The following PXDNL variants were observed in gnomAD, a reference collection of about 807,000 sequenced individuals.
PXDNL encodes the protein peroxidasin like, also known as probable oxidoreductase PXDNL.
Under a neutral mutation model 150.8 loss-of-function variants are expected in PXDNL, and 145 were observed. That is an observed-to-expected ratio of 0.96 (90% CI 0.84 to 1.10). The LOEUF (loss-of-function observed/expected upper bound fraction) is 1.10. Among genes scored for constraint, PXDNL ranks in the 50% least tolerant of loss-of-function variants. PXDNL has a pLI of 0.00. For synonymous variants in PXDNL, 757 were observed against 725.7 expected (o/e 1.04, Z -0.69); for missense variants, 2,087 against 1,873.9 (o/e 1.11, Z -2.10).
chr8:51,363,399 G>A (rs894562337), intron 19 of PXDNL, among the ~76,000 whole-genome samples: 6 of 152,102 alleles, frequency 3.9e-5, no homozygotes, highest in Non-Finnish European at 5.9e-5. Context: ...CAAGACTCAC[G>A]TCTGAAAAAC....
rs542101284 is a variant in PXDNL, at chr8:51,392,204, A to G, written c.3557+15863T>C. ...TCCAGCTTTGTTCTTTTGGCTTAGG[A>G]TTGACTTGGTGATGTGGGCTCTTTT... On this transcript the variant is annotated intron_variant, in intron 17 of 22. Transcript: ENST00000356297. Among the ~76,000 whole-genome samples, 886 of 152,242 alleles carry G rather than the reference A, an allele frequency of 5.8e-3. 23 individuals carry two copies. Among genetic ancestry groups the G allele is most frequent in the Admixed American group, 0.043 (659 of 15,284 alleles).
At chr8:51,465,003 T>C (rs1162196605) in intron 8 of PXDNL, among the ~76,000 whole-genome samples, 1 of 152,146 alleles carries the variant, frequency 6.6e-6, no homozygotes, top group Non-Finnish European at 1.5e-5. Flanking sequence ...CGAATTCTAC[T>C]TTACCTATTC....
intron 1 of PXDNL, among the ~76,000 whole-genome samples, chr8:51,740,494 T>C (rs899926930): frequency 6.6e-6 from 1 of 152,214 alleles, no homozygotes; most frequent in Non-Finnish European, 1.5e-5. Context: ...CTAGCATCTG[T>C]TGCTTCTTGA....
At chr8:51,356,832 C>T (rs2915475) in intron 19 of PXDNL, among the ~76,000 whole-genome samples, 101,109 of 152,058 alleles carry the variant, frequency 0.66, 35,733 homozygotes, top group East Asian at 0.94. Flanking sequence ...TCACCAGCTA[C>T]GCCTCTGTCG....
intron 1 of PXDNL, among the ~76,000 whole-genome samples, chr8:51,787,486 G>A (rs1385772402): frequency 1.3e-5 from 2 of 152,262 alleles, no homozygotes; most frequent in East Asian, 3.9e-4. Flanking sequence ...TGACTTAGAG[G>A]GGTTCAAGAC....
At chr8:51,403,667 T>C (rs1234832021) in intron 17 of PXDNL, among the ~76,000 whole-genome samples, 1 of 152,202 alleles carries the variant, frequency 6.6e-6, no homozygotes, top group East Asian at 1.9e-4. Flanking sequence ...AGCCAGGTCT[T>C]TCACAGACAG....
In PXDNL at chr8:51,335,367, G is replaced by C. The variant is rs79708093; in HGVS notation, c.4146+4257C>G. ...ACTGATATAAGATTTGGAAGGAGAC[G>C]CCGATACTATCCTAAGTGCAGTTGT... On this transcript the variant is annotated intron_variant, in intron 21 of 22. Transcript: ENST00000356297. 3.3e-3 allele frequency among the ~76,000 whole-genome samples: 497 copies of C among 152,166 alleles called. 1 individual carries two copies. The highest frequency in any genetic ancestry group is 6.0e-3 in the Non-Finnish European group (405 of 68,014).
Position 51,612,205 on chromosome 8 carries a change from C to T in PXDNL, c.237-19507G>A, listed in dbSNP as rs182383549. 8.4e-4 allele frequency among the ~76,000 whole-genome samples: 128 copies of T among 152,268 alleles called. 1 individual carries two copies. The highest frequency in any genetic ancestry group is 3.4e-3 in the Middle Eastern group (1 of 294). On this transcript the variant is annotated intron_variant, in intron 2 of 22. Coordinates refer to ENST00000356297, the MANE Select transcript of PXDNL (RefSeq NM_144651.5). ...ACATTGGTGGTTTTGCTCCCGGCCT[C>T]CACTCCTCCTCTCTTTCCCAGCAAC...
chr8:51,696,759 ATAGGTCTT>A (rs1816145479), intron 1 of PXDNL, among the ~76,000 whole-genome samples: 1 of 1,074 alleles, frequency 9.3e-4, no homozygotes, highest in African/African-American at 2.7e-3. Context: ...CCACCCACAC[ATAGGTCTT>A]CACAGGTCCA....
rs569086996 is a variant in PXDNL at position 51,549,754 on chromosome 8, A to G, written c.380+7086T>C. 8.5e-5 allele frequency among the ~76,000 whole-genome samples: 13 copies of G among 152,274 alleles called. No homozygotes were observed. The East Asian group carries it at 1.9e-3, about 23-fold the overall frequency. ...CTAAAAGAGCACAAACAGACAATCTAGGCTCACATCTCAAGGAACTAGAGA... is the reference window on the plus strand; with the variant it reads ...CTAAAAGAGCACAAACAGACAATCTGGGCTCACATCTCAAGGAACTAGAGA... On this transcript the variant is annotated intron_variant, in intron 4 of 22. Coordinates refer to ENST00000356297, the MANE Select transcript of PXDNL (RefSeq NM_144651.5).
chr8:51,481,107 CTTGGAGGG>C (rs1174316455), intron 6 of PXDNL, among the ~76,000 whole-genome samples: 13 of 152,088 alleles, frequency 8.5e-5, no homozygotes, highest in Non-Finnish European at 1.8e-4. Flanking sequence ...TTCCTAGAGA[CTTGGAGGG>C]CTCAGAAGAC....
At chr8:51,631,957 A>G (rs950552734) in intron 2 of PXDNL, among the ~76,000 whole-genome samples, 1 of 152,170 alleles carries the variant, frequency 6.6e-6, no homozygotes, top group South Asian at 2.1e-4. Flanking sequence ...GGTATAAAAC[A>G]TACAGAAAAC....
chr8:51,641,737 A>T (rs994456461), intron 2 of PXDNL, among the ~76,000 whole-genome samples: 5 of 152,048 alleles, frequency 3.3e-5, no homozygotes, highest in African/African-American at 1.2e-4. Flanking sequence ...GAGAAATAGG[A>T]ACACTTTTAC....
intron 4 of PXDNL, among the ~76,000 whole-genome samples, chr8:51,537,628 T>A (rs1210125985): frequency 6.6e-6 from 1 of 152,130 alleles, no homozygotes; most frequent in Non-Finnish European, 1.5e-5. Flanking sequence ...TCAGTGTGAG[T>A]GTCTGGGCCT....
intron 4 of PXDNL, among the ~76,000 whole-genome samples, chr8:51,533,318 T>C (rs924832135): frequency 5.3e-5 from 8 of 151,868 alleles, no homozygotes; most frequent in African/African-American, 1.9e-4. Context: ...GCCTGGCTAA[T>C]TTTTGTATTT....
intron 16 of PXDNL, 48 bp from the exon 17 acceptor site, chr8:51,409,609 C>T (rs1419405503): frequency 2.0e-6 from 3 of 1,473,378 alleles, no homozygotes; most frequent in African/African-American, 1.4e-5. Context: ...CCTGGGAGGG[C>T]GCGGGCAACT....
At chr8:51,761,488 CT>C (rs1263860614) in intron 1 of PXDNL, among the ~76,000 whole-genome samples, 1 of 152,144 alleles carries the variant, frequency 6.6e-6, no homozygotes, top group African/African-American at 2.4e-5. Context: ...ATTATTACCC[CT>C]GATAAATATT....
intron 17 of PXDNL, among the ~76,000 whole-genome samples, chr8:51,401,013 A>G (rs1046527687): frequency 6.6e-6 from 1 of 152,224 alleles, no homozygotes; most frequent in African/African-American, 2.4e-5. Flanking sequence ...AAATATCTAG[A>G]GAGCAGCTGC....
At chr8:51,470,432 A>T (rs1468237517) in intron 8 of PXDNL, among the ~76,000 whole-genome samples, 1 of 152,146 alleles carries the variant, frequency 6.6e-6, no homozygotes, top group Non-Finnish European at 1.5e-5. Context: ...AGCAAAAAAA[A>T]TCAGAGTTGA....
Sources: allele counts gnomAD v4.1 joint callset (sites outside exome capture counted in the v4.1 genomes callset), GRCh38; gene constraint gnomAD v4.1.1; transcripts MANE v1.5; gene names NCBI Gene and HGNC (gene_info 2026-07-23, HGNC 2026-07-21).